CNTN4: variants seen among roughly 807,000 people sequenced by gnomAD.
CNTN4 encodes the protein contactin 4, also known as contactin-4.
Under a neutral mutation model 122.5 loss-of-function variants are expected in CNTN4, and 77 were observed. The ratio of observed to expected loss-of-function variants is 0.63; its 90% CI spans 0.52 to 0.76. The LOEUF is 0.76. Ranked by LOEUF, CNTN4 falls within the 30% of genes least tolerant of loss-of-function variation. CNTN4 has a pLI of 0.00. For synonymous variants in CNTN4, 512 were observed against 447.0 expected (o/e 1.15, Z -1.83); for missense variants, 1,256 against 1,259.1 (o/e 1.00, Z 0.04).
At chr3:2,729,322 T>C (rs2088476549) in intron 4 of CNTN4, among the ~76,000 whole-genome samples, 1 of 151,722 alleles carries the variant, frequency 6.6e-6, no homozygotes, top group African/African-American at 2.4e-5. Flanking sequence ...CCTAGCACTT[T>C]GGGAGGCCAA....
chr3:2,504,925 A>G (rs933604447), intron 3 of CNTN4, among the ~76,000 whole-genome samples: 1 of 152,208 alleles, frequency 6.6e-6, no homozygotes, highest in African/African-American at 2.4e-5. Flanking sequence ...GTATGACCAC[A>G]AAAAGCACTG....
intron 2 of CNTN4, among the ~76,000 whole-genome samples, chr3:2,120,382 T>TATATATATATATATATATAA (rs2033663223): frequency 3.7e-5 from 1 of 27,322 alleles, no homozygotes; most frequent in African/African-American, 1.0e-4. Flanking sequence ...TAAATATATA[T>TATATATATATATATATATAA]ATATATATAT....
At chr3:2,295,735 G>A (rs1428771830) in intron 2 of CNTN4, among the ~76,000 whole-genome samples, 1 of 152,062 alleles carries the variant, frequency 6.6e-6, no homozygotes, top group Non-Finnish European at 1.5e-5. Flanking sequence ...TGGTGTTTTA[G>A]ACATGAAGTC....
intron 2 of CNTN4, among the ~76,000 whole-genome samples, chr3:2,247,868 A>C (rs769324720): frequency 7.2e-5 from 11 of 151,962 alleles, no homozygotes; most frequent in Non-Finnish European, 1.5e-4. Flanking sequence ...ATTACTATTA[A>C]ATTTTCTCTA....
At chr3:2,544,482 A>G (rs1032665551) in intron 3 of CNTN4, among the ~76,000 whole-genome samples, 4 of 152,166 alleles carry the variant, frequency 2.6e-5, no homozygotes, top group Non-Finnish European at 5.9e-5. Context: ...GGGATACAAA[A>G]AATGTGAGGA....
At chr3:2,625,010 G>C (rs932241765) in intron 4 of CNTN4, among the ~76,000 whole-genome samples, 35 of 152,106 alleles carry the variant, frequency 2.3e-4, no homozygotes, top group African/African-American at 8.2e-4. Flanking sequence ...CTAAGCCTCA[G>C]TTTACTCATA....
chr3:2,123,558 G>A (rs2033930879), intron 2 of CNTN4, among the ~76,000 whole-genome samples: 1 of 152,146 alleles, frequency 6.6e-6, no homozygotes, highest in African/African-American at 2.4e-5. Context: ...CTACTGCTGT[G>A]TCCAGCTGTG....
At position 2,390,137 on chromosome 3, in the gene CNTN4, A is replaced by G. The variant is rs150605888; in HGVS notation, c.-89+50904A>G. Among the ~76,000 whole-genome samples the G allele has an allele frequency of 3.3e-3, 499 of 152,136 alleles. 3 individuals carry two copies. Among genetic ancestry groups the G allele is most frequent in the African/African-American group, 0.011 (470 of 41,522 alleles). On this transcript the variant is annotated intron_variant, in intron 3 of 24. Transcript: ENST00000418658. The stretch of plus-strand genomic sequence containing the variant: ...TATTGAAGAAAATTTCCTTGATTTT[A>G]GGAAATATACAATAAATTATTTAGG...
chr3:2,324,154 G>A (rs528524228), intron 2 of CNTN4, among the ~76,000 whole-genome samples: 27 of 152,240 alleles, frequency 1.8e-4, no homozygotes, highest in African/African-American at 5.1e-4. Flanking sequence ...GTCCTCTGGC[G>A]GGGAGGGGGC....
intron 2 of CNTN4, among the ~76,000 whole-genome samples, chr3:2,146,983 C>G (rs147161874): frequency 6.6e-6 from 1 of 151,982 alleles, no homozygotes; most frequent in Admixed American, 6.6e-5. Context: ...TGGGTTCAAG[C>G]GATTCTCCTG....
At chr3:2,623,174 C>T (rs1054671722) in intron 4 of CNTN4, among the ~76,000 whole-genome samples, 1 of 151,968 alleles carries the variant, frequency 6.6e-6, no homozygotes, top group Non-Finnish European at 1.5e-5. Flanking sequence ...AAGTGATATT[C>T]TGGTGGGCCT....
chr3:2,278,774 A>G (rs1448301122), intron 2 of CNTN4, among the ~76,000 whole-genome samples: 15 of 149,786 alleles, frequency 1.0e-4, no homozygotes, highest in Non-Finnish European at 2.2e-4. Context: ...TGGCCATTAA[A>G]CACTTCATAA....
chr3:2,747,286 G>A (rs369470808), intron 6 of CNTN4, among the ~76,000 whole-genome samples: 4 of 151,346 alleles, frequency 2.6e-5, no homozygotes, highest in Admixed American at 2.0e-4. Flanking sequence ...GCAGGTGCCT[G>A]TAGTCCCAGC....
At chr3:2,413,934 G>A (rs545421543) in intron 3 of CNTN4, among the ~76,000 whole-genome samples, 2 of 152,270 alleles carry the variant, frequency 1.3e-5, no homozygotes, top group South Asian at 2.1e-4. Context: ...TATTTAACGT[G>A]TTTGGTGCCA....
At chr3:2,509,145 A>G (rs1454499637) in intron 3 of CNTN4, among the ~76,000 whole-genome samples, 1 of 152,228 alleles carries the variant, frequency 6.6e-6, no homozygotes, top group African/African-American at 2.4e-5. Flanking sequence ...ACACTTTGGT[A>G]TTTTAATTTC....
intron 4 of CNTN4, among the ~76,000 whole-genome samples, chr3:2,617,451 T>C (rs11129216): frequency 0.67 from 91,342 of 137,066 alleles, 31,154 homozygotes; most frequent in African/African-American, 0.71. Flanking sequence ...GACAGAGTCT[T>C]GCACTGTTGC....
chr3:2,350,319 G>A (rs974676703), intron 3 of CNTN4, among the ~76,000 whole-genome samples: 1 of 152,168 alleles, frequency 6.6e-6, no homozygotes, highest in Non-Finnish European at 1.5e-5. Context: ...CAAGGATTAG[G>A]AGAGCAGGTG....
chr3:2,767,071 G>T (rs1036722921), intron 6 of CNTN4, among the ~76,000 whole-genome samples: 2 of 152,172 alleles, frequency 1.3e-5, no homozygotes, highest in African/African-American at 4.8e-5. Context: ...GATTAAGTGA[G>T]ATTAAAAGTA....
intron 4 of CNTN4, among the ~76,000 whole-genome samples, chr3:2,597,894 T>A (rs2616594): frequency 0.44 from 66,178 of 152,062 alleles, 15,148 homozygotes; most frequent in East Asian, 0.66. Context: ...AATCTGTATG[T>A]AGGAGGAAGA....
Sources: gnomAD v4.1 joint callset for allele counts (sites outside exome capture counted in the v4.1 genomes callset) on GRCh38, gnomAD v4.1.1 for gene constraint, MANE v1.5 for transcripts, NCBI Gene and HGNC (gene_info 2026-07-23, HGNC 2026-07-21) for gene names.